HTR2A: variants seen among roughly 807,000 people sequenced by gnomAD.
HTR2A encodes the protein 5-HT2 receptor.
HTR2A carries 14 observed loss-of-function variants against 31.0 expected under a neutral mutation model. The ratio of observed to expected loss-of-function variants is 0.45; its 90% CI spans 0.30 to 0.71. HTR2A has a LOEUF of 0.71. Among genes scored for constraint, HTR2A ranks in the 30% least tolerant of loss-of-function variants. The pLI is 0.09. For synonymous variants in HTR2A, 209 were observed against 225.2 expected (o/e 0.93, Z 0.64); for missense variants, 442 against 573.3 (o/e 0.77, Z 2.34).
At chr13:46,845,000 A>G (rs543797048) in intron 3 of HTR2A, among the ~76,000 whole-genome samples, 1 of 150,598 alleles carries the variant, frequency 6.6e-6, no homozygotes, top group African/African-American at 2.4e-5. Flanking sequence ...ACATTTCATG[A>G]TGTCTAAGAT....
At chr13:46,874,525 T>C (rs1021189344) in intron 3 of HTR2A, among the ~76,000 whole-genome samples, 20 of 152,362 alleles carry the variant, frequency 1.3e-4, no homozygotes, top group African/African-American at 3.6e-4. Flanking sequence ...CACATATTTG[T>C]TTTCTCCCAT....
At position 46,876,783 on chromosome 13, in the gene HTR2A, G is replaced by A. The variant is rs189643424; in HGVS notation, c.613+15607C>T. On this transcript the variant is annotated intron_variant, in intron 3 of 3. Transcript: ENST00000542664. The stretch of plus-strand genomic sequence containing the variant: ...CAAACTCTTTTGCTAGATGCTTTAT[G>A]TTCACTGAATCCTCACTGTGTCCCC... Among the ~76,000 whole-genome samples, 73 of 152,196 alleles carry A rather than the reference G, an allele frequency of 4.8e-4. 1 individual carries two copies. Among genetic ancestry groups the A allele is most frequent in the African/African-American group, 1.5e-3 (61 of 41,528 alleles).
At chr13:46,879,020 A>G (rs1311961758) in intron 3 of HTR2A, among the ~76,000 whole-genome samples, 1 of 152,248 alleles carries the variant, frequency 6.6e-6, no homozygotes, top group Non-Finnish European at 1.5e-5. Context: ...AAACAAATAT[A>G]AGAAACTGCA....
At chr13:46,849,330 G>A (rs181553704) in intron 3 of HTR2A, among the ~76,000 whole-genome samples, 139 of 152,160 alleles carry the variant, frequency 9.1e-4, no homozygotes, top group African/African-American at 3.2e-3. Flanking sequence ...TAAGCCACTA[G>A]GACTCCTGCC....
upstream of HTR2A, among the ~76,000 whole-genome samples, chr13:46,897,315 A>G (rs1336555216): frequency 1.3e-5 from 2 of 152,178 alleles, no homozygotes; most frequent in Admixed American, 1.3e-4. Context: ...GCTAGAAAAC[A>G]GTATGTCCTC....
rs1207403329 is a variant in HTR2A, at chr13:46,835,168, A to G, written c.1085T>C (p.Leu362Pro). ...ATAACCGATCCAAACAAACACATTG[A>G]GCAGGGCCCCAATGACATCCTCATT... ...SCNEDVIGAL[L>P]NVFVWIGYLS... Residue 362 changes from leucine (L) to proline (P), a missense_variant, in exon 4 of 4, where the codon CTC becomes CCC. Physicochemically the swap from Leu to Pro is moderately conservative, Grantham distance 98. Transcript: ENST00000542664. The G allele has an allele frequency of 6.2e-7, 1 of 1,614,112 alleles. No homozygotes were observed. Among genetic ancestry groups the G allele is most frequent in the South Asian group, 1.1e-5 (1 of 91,078 alleles).
At chr13:46,855,649 G>T (rs981228002) in intron 3 of HTR2A, among the ~76,000 whole-genome samples, 5 of 152,092 alleles carry the variant, frequency 3.3e-5, no homozygotes, top group African/African-American at 1.2e-4. Flanking sequence ...AAGGCCTAAG[G>T]TGGGATGGCC....
rs75015355 is a variant in HTR2A, at chr13:46,877,229, C to T, written c.613+15161G>A. On this transcript the variant is annotated intron_variant, in intron 3 of 3. Coordinates refer to ENST00000542664, the MANE Select transcript of HTR2A (RefSeq NM_000621.5). The stretch of plus-strand genomic sequence containing the variant: ...CTGAGATGATATGTGTATTCCAATA[C>T]GGCAGAACTCGGCTTAGATGAGAAC... 1.5e-4 allele frequency among the ~76,000 whole-genome samples: 23 copies of T among 152,230 alleles called. No homozygotes were observed. The South Asian group carries it at 3.3e-3, about 22-fold the overall frequency.
intron 3 of HTR2A, among the ~76,000 whole-genome samples, chr13:46,873,766 G>C (rs1950884429): frequency 6.6e-6 from 1 of 152,160 alleles, no homozygotes; most frequent in South Asian, 2.1e-4. Context: ...ACTTGTCTGA[G>C]AATGGTTACT....
chr13:46,835,680 T>G (rs1398648512), intron 3 of HTR2A, 41 bp from the exon 4 acceptor site: 5 of 1,465,072 alleles, frequency 3.4e-6, no homozygotes, highest in Non-Finnish European at 4.7e-6. Flanking sequence ...ATTAAGGAAT[T>G]AAGTATATGA....
intron 3 of HTR2A, among the ~76,000 whole-genome samples, chr13:46,853,656 A>G (rs621494): frequency 0.28 from 42,829 of 151,908 alleles, 6,777 homozygotes; most frequent in East Asian, 0.53. Context: ...CTGGGCTGAC[A>G]TTGCTTTTTC....
intron 3 of HTR2A, among the ~76,000 whole-genome samples, chr13:46,891,146 G>A (rs926984924): frequency 6.6e-6 from 1 of 152,152 alleles, no homozygotes; most frequent in African/African-American, 2.4e-5. Flanking sequence ...CTGTATTCTG[G>A]TTTCCTCATT....
chr13:46,888,287 A>C (rs574774561), intron 3 of HTR2A, among the ~76,000 whole-genome samples: 56 of 152,328 alleles, frequency 3.7e-4, no homozygotes, highest in Non-Finnish European at 5.9e-4. Context: ...GGATAAAAAC[A>C]GAAACTAATT....
chr13:46,860,310 A>G (rs1386206665), intron 3 of HTR2A, among the ~76,000 whole-genome samples: 1 of 152,218 alleles, frequency 6.6e-6, no homozygotes, highest in East Asian at 1.9e-4. Context: ...TAATAATGAC[A>G]TAGAGTAACA....
chr13:46,873,755 A>G (rs1042350883), intron 3 of HTR2A, among the ~76,000 whole-genome samples: 3 of 152,140 alleles, frequency 2.0e-5, no homozygotes, highest in African/African-American at 7.2e-5. Context: ...TTTACTTTCA[A>G]ACTTGTCTGA....
At chr13:46,863,901 G>T (rs1950800945) in intron 3 of HTR2A, among the ~76,000 whole-genome samples, 1 of 151,850 alleles carries the variant, frequency 6.6e-6, no homozygotes, top group Admixed American at 6.6e-5. Flanking sequence ...ATTTGACCCA[G>T]CAATCCCATT....
intron 3 of HTR2A, among the ~76,000 whole-genome samples, chr13:46,841,954 G>A (rs1482938367): frequency 6.6e-6 from 1 of 152,070 alleles, no homozygotes; most frequent in African/African-American, 2.4e-5. Flanking sequence ...AATAACCAGA[G>A]CCTTGTTTTG....
chr13:46,834,949 T>C lies in HTR2A; in HGVS notation c.1304A>G (p.Asp435Gly). The stretch of plus-strand genomic sequence containing the variant: ...GCAGTCATTATCTGTTGTCTTGGCA[T>C]CTTGCTTTGAATTCTTTTTTTGTCC... ...QMGQKKNSKQ[D>G]AKTTDNDCSM... Residue 435 changes from aspartate to glycine, a missense_variant, in exon 4 of 4, where the codon GAT becomes GGT. Around this residue, in one of 5 missense-constraint regions of HTR2A, gnomAD observed 88 missense variants for 83.1 expected, o/e 1.06. Transcript: ENST00000542664. 6.2e-7 allele frequency: 1 copy of C among 1,614,122 alleles called. No homozygotes were observed.
intron 3 of HTR2A, among the ~76,000 whole-genome samples, chr13:46,847,515 A>C (rs1183487290): frequency 6.6e-6 from 1 of 152,240 alleles, no homozygotes; most frequent in Non-Finnish European, 1.5e-5. Context: ...ATCAAGTTCA[A>C]TATAATAAGA....
Sources: allele counts gnomAD v4.1 joint callset (sites outside exome capture counted in the v4.1 genomes callset), GRCh38; gene constraint gnomAD v4.1.1; regional missense constraint gnomAD v4.1.1; transcripts MANE v1.5; gene names NCBI Gene and HGNC (gene_info 2026-07-23, HGNC 2026-07-21).